Variants in SNRNP35 observed in about 807,000 individuals in gnomAD.
SNRNP35 encodes U11/U12 small nuclear ribonucleoprotein 35 kDa protein.
In SNRNP35, 16 loss-of-function variants were observed where a neutral mutation model predicts 24.3. That is an observed-to-expected ratio of 0.66 (90% CI 0.45 to 1.00). The LOEUF is 1.00. SNRNP35 is among the 50% of genes least tolerant of loss of function. The pLI is 0.00. For missense variants in SNRNP35, 292 were observed against 327.2 expected (o/e 0.89, Z 0.83); for synonymous variants, 106 against 124.8 (o/e 0.85, Z 1.00).
chr12:123,459,952 A>C (rs1446170688), intron 1 of SNRNP35: 2 of 1,181,786 alleles, frequency 1.7e-6, no homozygotes, highest in Non-Finnish European at 2.5e-6. Flanking sequence ...ATCCATGCTT[A>C]TCCGTTTGTA....
chr12:123,472,385 G>A (rs1881246762), exon 2 of SNRNP35: 4 of 751,554 alleles, frequency 5.3e-6, no homozygotes. Context: ...GTTTTTCAAT[G>A]TCCATCCTCA....
intron 1 of SNRNP35, chr12:123,464,962 T>G (rs1187540453): frequency 6.6e-6 from 1 of 152,244 alleles, no homozygotes; most frequent in African/African-American, 2.4e-5. Context: ...ACACGAATGA[T>G]GTGATATCTA....
In SNRNP35 at chr12:123,466,249, A is replaced by G. The variant is rs1008483530; in HGVS notation, c.709A>G (p.Lys237Glu). Residue 237 changes from lysine (K) to glutamate (E), a missense_variant, in exon 2 of 2, where the codon AAG becomes GAG. By Grantham distance (56) the Lys-to-Glu change is moderately conservative (BLOSUM62 1). Transcript: ENST00000526639. ...GAGGGACTTCAGAGATGACAGGATC[A>G]AGGGGAGGGAGAAGAAGGAAAGAGG... is the stretch of plus-strand genomic sequence containing the variant. ...RERDFRDDRIKGREKKERGK is the reference protein window; with the variant it reads ...RERDFRDDRIEGREKKERGK The G allele has an allele frequency of 3.3e-6, 5 of 1,527,050 alleles. No homozygotes were observed. The highest frequency in any genetic ancestry group is 4.4e-6 in the Non-Finnish European group (5 of 1,140,206). The allele number at this position is 1,527,050 out of a possible 1,614,324, so 94.6% of individuals were successfully genotyped here. A position where few individuals can be genotyped will look rare whatever the true frequency, so the allele number is the denominator to read the frequency against.
rs1315076695 is a variant in SNRNP35, at chr12:123,466,514, T to TA, written c.*234dup. 2 of 435,312 alleles carry TA rather than the reference T, an allele frequency of 4.6e-6. No individual in the cohort carries two copies. The highest frequency in any genetic ancestry group is 4.1e-5 in the African/African-American group (2 of 49,152). The allele number at this position is 435,312 out of a possible 1,614,324, so 27.0% of individuals were successfully genotyped here. A position where few individuals can be genotyped will look rare whatever the true frequency, so the allele number is the denominator to read the frequency against. On this transcript the variant is annotated 3_prime_UTR_variant, in exon 2 of 2. Transcript: ENST00000526639. ...CAGGATCAAGAAGCAATTTTGTAGT[T>TA]ACTGGCATCTGTACAGAAGGGCATT... is the stretch of plus-strand genomic sequence containing the variant.
In SNRNP35 at chr12:123,465,853, G is replaced by A. The variant is rs192445871; in HGVS notation, c.313G>A (p.Val105Met). 187 of 1,614,056 alleles carry A rather than the reference G, an allele frequency of 1.2e-4. 1 individual carries two copies. In the East Asian group the frequency reaches 2.9e-3, roughly 25 times the overall value. ...CATCGAATACAAGGAGGAGCGTGCCGTGATCAAAGCTTACCGAGATGCTGA... is the reference window on the plus strand; with the variant it reads ...CATCGAATACAAGGAGGAGCGTGCCATGATCAAAGCTTACCGAGATGCTGA... ...AFIEYKEERA[V>M]IKAYRDADGL... Residue 105 changes from valine (V) to methionine (M), a missense_variant, in exon 2 of 2, where the codon GTG becomes ATG. By Grantham distance (21) the Val-to-Met change is conservative. Coordinates refer to ENST00000526639, the MANE Select transcript of SNRNP35 (RefSeq NM_022717.4). The surrounding 1 kb of genome is among the most constrained non-coding windows in gnomAD (Gnocchi z 4.2).
chr12:123,472,572 G>A, exon 2 of SNRNP35: 1 of 1,554,200 alleles, frequency 6.4e-7, no homozygotes, highest in Non-Finnish European at 8.7e-7. Context: ...TCCTTGCTCT[G>A]TGTAACCGTC....
At chr12:123,464,934 C>T (rs1164729579) in intron 1 of SNRNP35, 1 of 152,150 alleles carries the variant, frequency 6.6e-6, no homozygotes, top group Non-Finnish European at 1.5e-5. Flanking sequence ...TTTAATGATG[C>T]ATAGTAAAAA....
exon 2 of SNRNP35, chr12:123,472,202 A>G (rs3087496): frequency 0.55 from 144,657 of 262,336 alleles, 43,994 homozygotes; most frequent in East Asian, 0.99. Flanking sequence ...AACAGCAATG[A>G]TAGTGGCAAG....
intron 1 of SNRNP35, among the ~76,000 whole-genome samples, chr12:123,462,946 C>G (rs1185812912): frequency 6.6e-6 from 1 of 151,966 alleles, no homozygotes; most frequent in Non-Finnish European, 1.5e-5. Flanking sequence ...GCAGAAAGAT[C>G]CTTGAGGAAA....
exon 2 of SNRNP35, chr12:123,472,788 A>G (rs895524572): frequency 2.4e-6 from 3 of 1,237,998 alleles, no homozygotes; most frequent in East Asian, 2.5e-5. Context: ...GAAGGGAGCA[A>G]ATCAATTCAA....
intron 1 of SNRNP35, among the ~76,000 whole-genome samples, chr12:123,460,227 G>A (rs1296391523): frequency 1.3e-5 from 2 of 152,136 alleles, no homozygotes; most frequent in African/African-American, 4.8e-5. Flanking sequence ...ACTGGTTTGT[G>A]TGTTTTCTTT....
At chr12:123,472,329 T>C (rs1391595102) in exon 2 of SNRNP35, 1 of 555,078 alleles carries the variant, frequency 1.8e-6, no homozygotes, top group Non-Finnish European at 3.2e-6. Context: ...TTAGAAACAG[T>C]GATAGCCCTG....
Position 123,466,198 on chromosome 12 carries a change from T to C in SNRNP35, c.658T>C (p.Trp220Arg), listed in dbSNP as rs771876450. Residue 220 changes from tryptophan to arginine, a missense_variant, in exon 2 of 2, where the codon TGG becomes CGG. Trp to Arg is a moderately radical substitution (Grantham distance 101). Coordinates refer to ENST00000526639, the MANE Select transcript of SNRNP35 (RefSeq NM_022717.4). ...RWQEREPTRV[W>R]PDNDWERERD... ...GCAAGAAAGAGAGCCGACCAGGGTG[T>C]GGCCCGACAATGACTGGGAGAGAGA... is the stretch of plus-strand genomic sequence containing the variant. 6.3e-7 allele frequency: 1 copy of C among 1,589,450 alleles called. No individual in the cohort carries two copies. The highest frequency in any genetic ancestry group is 1.2e-5 in the South Asian group (1 of 86,898).
intron 1 of SNRNP35, among the ~76,000 whole-genome samples, 199 bp downstream of exon 1, chr12:123,458,415 G>A (rs1164691453): frequency 8.4e-6 from 1 of 118,632 alleles, no homozygotes; most frequent in African/African-American, 2.6e-5. Flanking sequence ...GCGGCCCCCA[G>A]AGAAGGAGAG....
rs750813496 is a variant in SNRNP35, at chr12:123,465,517, G to C, written c.-3-21G>C. The C allele has an allele frequency of 6.5e-7, 1 of 1,528,680 alleles. No individual in the cohort carries two copies. The highest frequency in any genetic ancestry group is 1.3e-5 in the South Asian group (1 of 76,618). The allele number at this position is 1,528,680 out of a possible 1,614,324, so 94.7% of individuals were successfully genotyped here. A position where few individuals can be genotyped will look rare whatever the true frequency, so the allele number is the denominator to read the frequency against. On this transcript the variant is annotated intron_variant, in intron 1 of 1. Transcript: ENST00000526639. This position sits in a 1 kb window ranked among gnomAD's most constrained non-coding sequence, Gnocchi z 4.2. ...GGCTCAGAGTAGAGGCTCCATCCAC[G>C]CTTGCTCTTATCATTCATAGAACAT... is the stretch of plus-strand genomic sequence containing the variant.
exon 2 of SNRNP35, chr12:123,472,823 G>A (rs1018807566): frequency 1.2e-5 from 10 of 833,088 alleles, no homozygotes; most frequent in African/African-American, 1.7e-5. Flanking sequence ...AGTTGGGGGT[G>A]CAGGTCAAAG....
At chr12:123,472,268 C>T in exon 2 of SNRNP35, 1 of 386,460 alleles carries the variant, frequency 2.6e-6, no homozygotes, top group East Asian at 4.2e-5. Context: ...GAAGTCTGGC[C>T]TCCGTTTGTG....
intron 1 of SNRNP35, among the ~76,000 whole-genome samples, chr12:123,463,157 C>T (rs1376762384): frequency 6.6e-6 from 1 of 152,026 alleles, no homozygotes; most frequent in African/African-American, 2.4e-5. Flanking sequence ...AGTTCCAAGG[C>T]TCAAGCCATC....
chr12:123,461,922 A>G (rs1880655183), intron 1 of SNRNP35, among the ~76,000 whole-genome samples: 1 of 151,424 alleles, frequency 6.6e-6, no homozygotes, highest in South Asian at 2.1e-4. Flanking sequence ...GGGTTTCGCT[A>G]TGTTGCTGAG....
Sources: gnomAD v4.1 joint callset for allele counts (sites outside exome capture counted in the v4.1 genomes callset) on GRCh38, gnomAD v4.1.1 for gene constraint, Gnocchi (gnomAD v3.1) non-coding constraint, MANE v1.5 for transcripts, NCBI Gene and HGNC (gene_info 2026-07-23, HGNC 2026-07-21) for gene names.